The following JAZF1 variants were observed in gnomAD, a reference collection of about 807,000 sequenced individuals.
The protein encoded by JAZF1 is juxtaposed with another zinc finger protein 1.
JAZF1 carries 8 observed loss-of-function variants against 26.4 expected under a neutral mutation model. That is an observed-to-expected ratio of 0.30 (90% CI 0.18 to 0.55). The LOEUF is 0.55. Ranked by LOEUF, JAZF1 falls within the 20% of genes least tolerant of loss-of-function variation. The pLI is 0.94. For missense variants in JAZF1, 199 were observed against 322.0 expected (o/e 0.62, Z 2.92); for synonymous variants, 126 against 122.3 (o/e 1.03, Z -0.20).
chr7:28,072,515 T>C (rs973749509), intron 1 of JAZF1, among the ~76,000 whole-genome samples: 1 of 152,230 alleles, frequency 6.6e-6, no homozygotes, highest in African/African-American at 2.4e-5. Flanking sequence ...TAATGTAAAT[T>C]GGCATTGCTT....
At chr7:27,849,067 C>G (rs573456476) in intron 3 of JAZF1, among the ~76,000 whole-genome samples, 1 of 152,316 alleles carries the variant, frequency 6.6e-6, no homozygotes, top group South Asian at 2.1e-4. Context: ...TGGCTAGCAA[C>G]AGGCCCATCA....
intron 1 of JAZF1, among the ~76,000 whole-genome samples, chr7:28,030,344 C>G (rs1783168429): frequency 6.6e-6 from 1 of 152,182 alleles, no homozygotes; most frequent in African/African-American, 2.4e-5. Context: ...TAAAATGTTT[C>G]TGCAGCCCAC....
At chr7:28,160,597 C>T (rs989509594) in intron 1 of JAZF1, among the ~76,000 whole-genome samples, 1 of 152,134 alleles carries the variant, frequency 6.6e-6, no homozygotes, top group East Asian at 1.9e-4. Context: ...CACAAAACAT[C>T]GTTTTAGTTC....
At chr7:27,991,436 C>T (rs1170972279) in intron 2 of JAZF1, among the ~76,000 whole-genome samples, 2 of 152,124 alleles carry the variant, frequency 1.3e-5, no homozygotes, top group South Asian at 2.1e-4. Flanking sequence ...ACTCAAGTTA[C>T]TCTACAGCTG....
intron 1 of JAZF1, among the ~76,000 whole-genome samples, chr7:28,036,309 C>T (rs1457264660): frequency 6.6e-6 from 1 of 152,228 alleles, no homozygotes; most frequent in African/African-American, 2.4e-5. Context: ...TAACAAACTA[C>T]TGACATAGTA....
intron 2 of JAZF1, among the ~76,000 whole-genome samples, chr7:27,900,359 T>C (rs1212794675): frequency 6.6e-6 from 1 of 152,274 alleles, no homozygotes; most frequent in Non-Finnish European, 1.5e-5. Flanking sequence ...ACTTATTTTA[T>C]TGAATTTTAA....
chr7:27,846,404 C>CGTGTATATATACGTATAT, intron 3 of JAZF1: 1 of 452,132 alleles, frequency 2.2e-6, no homozygotes, highest in Non-Finnish European at 4.6e-6. Flanking sequence ...TATACGTATA[C>CGTGTATATATACGTATAT]ATGTATATAT....
intron 1 of JAZF1, among the ~76,000 whole-genome samples, chr7:28,033,211 T>C (rs1779317366): frequency 6.6e-6 from 1 of 152,134 alleles, no homozygotes; most frequent in African/African-American, 2.4e-5. Flanking sequence ...GCACGGCCAC[T>C]GGGATGGAAC....
chr7:28,169,751 G>A (rs1256358456), intron 1 of JAZF1, among the ~76,000 whole-genome samples: 1 of 152,120 alleles, frequency 6.6e-6, no homozygotes, highest in Non-Finnish European at 1.5e-5. Flanking sequence ...TATTACCATG[G>A]TGTTCAATTT....
At chr7:27,880,554 AC>A (rs1413975160) in intron 3 of JAZF1, among the ~76,000 whole-genome samples, 2 of 151,716 alleles carry the variant, frequency 1.3e-5, no homozygotes, top group East Asian at 3.9e-4. Context: ...AATTGCTTGA[AC>A]CCGAGAGACA....
intron 1 of JAZF1, among the ~76,000 whole-genome samples, chr7:28,111,899 G>C (rs1583566743): frequency 6.6e-6 from 1 of 152,204 alleles, no homozygotes; most frequent in African/African-American, 2.4e-5. Flanking sequence ...GCAAGCATCA[G>C]AGTTCAAGGA....
intron 2 of JAZF1, among the ~76,000 whole-genome samples, chr7:27,942,240 T>G (rs1784858295): frequency 6.6e-6 from 1 of 152,246 alleles, no homozygotes; most frequent in African/African-American, 2.4e-5. Context: ...CCTTGCACAA[T>G]GTCTTATGCG....
At chr7:27,905,044 T>C (rs1400018064) in intron 2 of JAZF1, among the ~76,000 whole-genome samples, 1 of 152,142 alleles carries the variant, frequency 6.6e-6, no homozygotes, top group Non-Finnish European at 1.5e-5. Context: ...AGTGATCCTC[T>C]TGCTTCAGCC....
chr7:27,988,710 G>A (rs1026966323), intron 2 of JAZF1, among the ~76,000 whole-genome samples: 1 of 151,874 alleles, frequency 6.6e-6, no homozygotes, highest in Non-Finnish European at 1.5e-5. Flanking sequence ...GCATATCATT[G>A]TTTGAATCTA....
At chr7:27,873,078 G>A (rs1783613793) in intron 3 of JAZF1, among the ~76,000 whole-genome samples, 1 of 152,144 alleles carries the variant, frequency 6.6e-6, no homozygotes, top group East Asian at 1.9e-4. Context: ...TCTATCAACT[G>A]GGAGGGATTT....
chr7:27,859,717 T>TG (rs1274882936), intron 3 of JAZF1, among the ~76,000 whole-genome samples: 3 of 118,444 alleles, frequency 2.5e-5, no homozygotes, highest in Admixed American at 9.0e-5. Flanking sequence ...CGGGGCCTGT[T>TG]GGGGCATGGG....
intron 2 of JAZF1, among the ~76,000 whole-genome samples, chr7:27,985,383 C>T (rs1304808920): frequency 6.6e-6 from 1 of 152,264 alleles, no homozygotes; most frequent in South Asian, 2.1e-4. Context: ...GACATATACA[C>T]CCTCCCAAGA....
At chr7:28,041,079 T>C (rs547841841) in intron 1 of JAZF1, among the ~76,000 whole-genome samples, 2 of 152,238 alleles carry the variant, frequency 1.3e-5, no homozygotes, top group East Asian at 1.9e-4. Context: ...GCCCTAGATA[T>C]ATGTGGCAAA....
chr7:28,116,667 C>T (rs1190059441), intron 1 of JAZF1, among the ~76,000 whole-genome samples: 1 of 152,074 alleles, frequency 6.6e-6, no homozygotes, highest in African/African-American at 2.4e-5. Context: ...TGGTCTCAAA[C>T]TCGAACTCCT....
Sources: gnomAD v4.1 joint callset for allele counts (sites outside exome capture counted in the v4.1 genomes callset) on GRCh38, gnomAD v4.1.1 for gene constraint, MANE v1.5 for transcripts, NCBI Gene and HGNC (gene_info 2026-07-23, HGNC 2026-07-21) for gene names.